The following CLVS1 variants were observed in gnomAD, a reference collection of about 807,000 sequenced individuals.
The protein encoded by CLVS1 is clavesin 1.
In CLVS1, 10 loss-of-function variants were observed where a neutral mutation model predicts 33.1. The observed-to-expected ratio is 0.30, with a 90% CI of 0.19 to 0.51. The LOEUF (loss-of-function observed/expected upper bound fraction) is 0.51. Ranked by LOEUF, CLVS1 falls within the 20% of genes least tolerant of loss-of-function variation. The probability of loss-of-function intolerance (pLI) is 0.97; values close to 1 mark genes in which losing one functional copy is unlikely to be tolerated. For missense variants in CLVS1, 343 were observed against 433.4 expected (o/e 0.79, Z 1.85); for synonymous variants, 163 against 166.1 (o/e 0.98, Z 0.14).
At chr8:61,059,834 T>C (rs1804552638) in intron 1 of CLVS1, among the ~76,000 whole-genome samples, 1 of 151,704 alleles carries the variant, frequency 6.6e-6, no homozygotes, top group Admixed American at 6.6e-5. Context: ...AGTGAACGTA[T>C]ATTTATTCTG....
At chr8:61,052,898 C>T (rs61022510), upstream of CLVS1, among the ~76,000 whole-genome samples, 12,259 of 152,102 alleles carry the variant, frequency 0.081, 623 homozygotes, top group South Asian at 0.15. Flanking sequence ...GGCTGGGAGG[C>T]GGCTGTGATC....
At chr8:61,405,938 G>A (rs1814969553) in intron 3 of CLVS1, among the ~76,000 whole-genome samples, 1 of 152,112 alleles carries the variant, frequency 6.6e-6, no homozygotes, top group African/African-American at 2.4e-5. Context: ...CTGCTATATA[G>A]AAATTTCTTT....
At position 61,214,341 on chromosome 8, in the gene CLVS1, T is replaced by C. The variant is rs191624478; in HGVS notation, c.-152+82481T>C. 8.3e-3 allele frequency among the ~76,000 whole-genome samples: 1,271 copies of C among 152,324 alleles called. 21 individuals carry two copies. Among genetic ancestry groups the C allele is most frequent in the African/African-American group, 0.029 (1,221 of 41,570 alleles). ...TAAAAACTTGCTGGTTTTTGCGGCT[T>C]GTGGGGCATCATGGAACCTACCAAC... On this transcript the variant is annotated intron_variant, in intron 2 of 2. Coordinates refer to the CLVS1 transcript ENST00000522621.
chr8:61,344,220 A>G (rs1262986157), intron 2 of CLVS1, among the ~76,000 whole-genome samples: 1 of 152,124 alleles, frequency 6.6e-6, no homozygotes, highest in African/African-American at 2.4e-5. Flanking sequence ...ACCAAATCAG[A>G]GCTAATAAAT....
chr8:61,198,850 A>T (rs1002250752), intron 2 of CLVS1, among the ~76,000 whole-genome samples: 1 of 152,236 alleles, frequency 6.6e-6, no homozygotes, highest in Non-Finnish European at 1.5e-5. Context: ...TACTTCACTT[A>T]GGATAATGGC....
intron 2 of CLVS1, among the ~76,000 whole-genome samples, chr8:61,334,917 C>T (rs142735493): frequency 6.6e-6 from 1 of 152,310 alleles, no homozygotes; most frequent in East Asian, 1.9e-4. Flanking sequence ...TTTATTATTA[C>T]TCAAATCAGT....
chr8:61,332,476 C>T (rs749831407), intron 2 of CLVS1, among the ~76,000 whole-genome samples: 6 of 152,084 alleles, frequency 3.9e-5, no homozygotes, highest in East Asian at 1.9e-4. Context: ...TGGACTGTTA[C>T]GACAGTGACT....
rs544037177 is a variant in CLVS1 at position 61,496,202 on chromosome 8, T to C, written c.978-3253T>C. On this transcript the variant is annotated intron_variant, in intron 5 of 5. Transcript: ENST00000325897. ...TTTCCCTCTAACTCTGTGGCTGTGG[T>C]TCTCATGCCATGTTGTGAAATAAAG... 1.8e-4 allele frequency among the ~76,000 whole-genome samples: 27 copies of C among 152,260 alleles called. No homozygotes were observed. In the South Asian group the frequency reaches 5.6e-3, roughly 31 times the overall value.
At chr8:61,107,361 C>T (rs1378715101) in intron 1 of CLVS1, among the ~76,000 whole-genome samples, 1 of 152,192 alleles carries the variant, frequency 6.6e-6, no homozygotes, top group Non-Finnish European at 1.5e-5. Context: ...ATTTACTGCT[C>T]ACAGTTCCAG....
chr8:61,454,354 TC>T, intron 4 of CLVS1, 103 bp downstream of exon 4: 1 of 864,896 alleles, frequency 1.2e-6, no homozygotes, highest in East Asian at 2.5e-5. Flanking sequence ...TCTCTTTCTC[TC>T]TTTATCTTTC....
intron 1 of CLVS1, among the ~76,000 whole-genome samples, chr8:61,061,566 TG>T (rs139458870): frequency 0.029 from 4,439 of 152,244 alleles, 238 homozygotes; most frequent in African/African-American, 0.1. Context: ...AGGAGTTTCC[TG>T]GCCCACACAG....
At chr8:61,314,978 C>T (rs887291649) in intron 2 of CLVS1, among the ~76,000 whole-genome samples, 2 of 152,136 alleles carry the variant, frequency 1.3e-5, no homozygotes, top group African/African-American at 4.8e-5. Context: ...AACATCTCAT[C>T]GGTATGCTTG....
At position 61,499,607 on chromosome 8, in the gene CLVS1, A is replaced by T; in HGVS notation, c.*65A>T. On this transcript the variant is annotated 3_prime_UTR_variant, in exon 6 of 6. Coordinates refer to ENST00000325897, the MANE Select transcript of CLVS1 (RefSeq NM_173519.3). ...GTGGTATCAGCCACCCAGGAAGCAC[A>T]TGCACAACTGACCCATGCAGACACG... 8.4e-7 allele frequency: 1 copy of T among 1,189,456 alleles called. No homozygotes were observed. Among genetic ancestry groups the T allele is most frequent in the Non-Finnish European group, 1.3e-6 (1 of 796,350 alleles). 73.7% of individuals were successfully genotyped at this position (1,189,456 alleles called of 1,614,324 possible). A position where few individuals can be genotyped will look rare whatever the true frequency, so the allele number is the denominator to read the frequency against.
At chr8:61,168,190 C>T (rs1357594407) in intron 2 of CLVS1, among the ~76,000 whole-genome samples, 2 of 152,166 alleles carry the variant, frequency 1.3e-5, no homozygotes, top group African/African-American at 4.8e-5. Flanking sequence ...CCCTAAGAAA[C>T]ACAGAAAAGG....
intron 1 of CLVS1, among the ~76,000 whole-genome samples, chr8:61,070,527 C>G (rs545991994): frequency 6.6e-6 from 1 of 152,220 alleles, no homozygotes; most frequent in South Asian, 2.1e-4. Context: ...TTCTTGCTGA[C>G]GTGAGGAAAT....
At chr8:61,091,244 T>C (rs1225092427) in intron 1 of CLVS1, among the ~76,000 whole-genome samples, 1 of 152,166 alleles carries the variant, frequency 6.6e-6, no homozygotes, top group Non-Finnish European at 1.5e-5. Flanking sequence ...CAGCAGCCTC[T>C]AGAAGGCGAA....
chr8:61,044,853 A>G, the CLVS1 span, among the ~76,000 whole-genome samples: 2 of 152,216 alleles, frequency 1.3e-5, no homozygotes, highest in African/African-American at 4.8e-5. Context: ...GGGGCATAGA[A>G]AAAGAGGAAC....
Position 61,170,137 on chromosome 8 carries a change from C to A in CLVS1, c.-152+38277C>A, listed in dbSNP as rs931380014. 2.0e-5 allele frequency among the ~76,000 whole-genome samples: 3 copies of A among 151,860 alleles called. No individual in the cohort carries two copies. The East Asian group carries it at 5.8e-4, about 29-fold the overall frequency. ...TCAAGATAATGAGCATACCATTATC[C>A]CCCAATAGAAGCAATAATTATTCAC... is the stretch of plus-strand genomic sequence containing the variant. On this transcript the variant is annotated intron_variant, in intron 2 of 2. Coordinates refer to the CLVS1 transcript ENST00000522621.
chr8:61,033,612 C>T, the CLVS1 span, among the ~76,000 whole-genome samples: 4 of 152,160 alleles, frequency 2.6e-5, no homozygotes, highest in African/African-American at 7.2e-5. Context: ...GTGCCACTCC[C>T]GGGGAATTGC....
Sources: gnomAD v4.1 joint callset for allele counts (sites outside exome capture counted in the v4.1 genomes callset) on GRCh38, gnomAD v4.1.1 for gene constraint, MANE v1.5 for transcripts, NCBI Gene and HGNC (gene_info 2026-07-23, HGNC 2026-07-21) for gene names.